Variants in TRPM7 observed in about 807,000 individuals in gnomAD.
TRPM7 encodes LTRPC ion channel family member 7.
A neutral mutation model predicts 229.7 loss-of-function variants in TRPM7; 134 were observed. The ratio of observed to expected loss-of-function variants is 0.58; its 90% CI spans 0.51 to 0.67. The LOEUF is 0.67. Ranked by LOEUF, TRPM7 falls within the 30% of genes least tolerant of loss-of-function variation. The pLI is 0.00. For missense variants in TRPM7, 1,901 were observed against 2,210.0 expected (o/e 0.86, Z 2.80); for synonymous variants, 699 against 715.2 (o/e 0.98, Z 0.36).
chr15:50,566,567 G>A (rs146659844), intron 38 of TRPM7, among the ~76,000 whole-genome samples: 22 of 152,236 alleles, frequency 1.4e-4, no homozygotes, highest in African/African-American at 5.1e-4. Flanking sequence ...GTGGTGGCAC[G>A]TACCTGTAGT....
intron 13 of TRPM7, among the ~76,000 whole-genome samples, chr15:50,614,602 T>G (rs1035949628): frequency 1.4e-5 from 2 of 146,152 alleles, no homozygotes; most frequent in Non-Finnish European, 3.0e-5. Context: ...GAGGCGGAAG[T>G]TGCAGTGAGC....
At chr15:50,657,664 T>A in intron 3 of TRPM7, 117 bp downstream of exon 3, 1 of 873,064 alleles carries the variant, frequency 1.1e-6, no homozygotes, top group South Asian at 1.8e-5. Flanking sequence ...CTAGGTAAAG[T>A]ACCCATCAAA....
At chr15:50,634,981 A>AAT (rs61635771) in intron 7 of TRPM7, among the ~76,000 whole-genome samples, 1 of 152,134 alleles carries the variant, frequency 6.6e-6, no homozygotes, top group Non-Finnish European at 1.5e-5. Flanking sequence ...TCATTTTTAA[A>AAT]ATATATATTT....
At chr15:50,658,270 G>A (rs2061633350) in intron 2 of TRPM7, among the ~76,000 whole-genome samples, 1 of 152,064 alleles carries the variant, frequency 6.6e-6, no homozygotes, top group Admixed American at 6.6e-5. Context: ...CTCCCAAAGT[G>A]CTAGGATTAC....
intron 5 of TRPM7, 90 bp downstream of exon 5, chr15:50,643,250 T>C (rs1287151968): frequency 2.2e-5 from 24 of 1,066,856 alleles, no homozygotes; most frequent in Admixed American, 4.0e-5. Flanking sequence ...GATTGTGCCA[T>C]TGCACTCCAG....
intron 20 of TRPM7, among the ~76,000 whole-genome samples, chr15:50,605,598 T>C (rs1242963904): frequency 6.6e-6 from 1 of 152,138 alleles, no homozygotes. Context: ...AAGAATCATC[T>C]TTTGGGAGGA....
intron 30 of TRPM7, among the ~76,000 whole-genome samples, chr15:50,579,373 C>A (rs1403911164): frequency 1.3e-5 from 2 of 152,226 alleles, no homozygotes; most frequent in Admixed American, 6.5e-5. Flanking sequence ...CTCTTTCCAG[C>A]TCCTACATTC....
intron 31 of TRPM7, among the ~76,000 whole-genome samples, 196 bp from the exon 32 acceptor site, chr15:50,576,115 GCATTTAGACA>G (rs2054118973): frequency 6.6e-6 from 1 of 152,134 alleles, no homozygotes; most frequent in African/African-American, 2.4e-5. Context: ...TGACAGCTGT[GCATTTAGACA>G]CCTACAAGTG....
intron 11 of TRPM7, among the ~76,000 whole-genome samples, chr15:50,626,482 C>A (rs1263488817): frequency 6.6e-6 from 1 of 152,036 alleles, no homozygotes; most frequent in Non-Finnish European, 1.5e-5. Flanking sequence ...TATTGAACTC[C>A]TGGCAAGCAA....
intron 19 of TRPM7, among the ~76,000 whole-genome samples, chr15:50,608,161 C>T (rs1393489610): frequency 5.3e-5 from 8 of 151,904 alleles, no homozygotes. Flanking sequence ...AAAGTTGAAC[C>T]CCAAAAAGTG....
At chr15:50,579,006 C>T (rs2054272255) in intron 30 of TRPM7, among the ~76,000 whole-genome samples, 1 of 152,140 alleles carries the variant, frequency 6.6e-6, no homozygotes, top group South Asian at 2.1e-4. Flanking sequence ...AGTACTGTAA[C>T]AATACATTGA....
chr15:50,668,296 G>T (rs78017001), intron 1 of TRPM7, among the ~76,000 whole-genome samples: 27,617 of 152,124 alleles, frequency 0.18, 3,236 homozygotes, highest in East Asian at 0.46. Context: ...CTGAATTAAT[G>T]TAAGACTCAT....
At chr15:50,631,317 G>T in intron 10 of TRPM7, 100 bp downstream of exon 10, 2 of 518,870 alleles carry the variant, frequency 3.9e-6, no homozygotes, top group Admixed American at 3.7e-5. Context: ...CATGGTAAAA[G>T]GTTTTATATT....
chr15:50,641,219 A>G (rs1017800105), intron 5 of TRPM7, among the ~76,000 whole-genome samples: 1 of 150,782 alleles, frequency 6.6e-6, no homozygotes. Flanking sequence ...CAAAATGCTT[A>G]TAACGGTCCC....
chr15:50,562,890 G>A (rs1488008937), intron 38 of TRPM7, among the ~76,000 whole-genome samples: 3 of 152,166 alleles, frequency 2.0e-5, no homozygotes, highest in Non-Finnish European at 4.4e-5. Context: ...GCCAGAGGAA[G>A]AGATTTGAGT....
intron 1 of TRPM7, among the ~76,000 whole-genome samples, chr15:50,666,576 G>GTTT (rs2061887367): frequency 6.6e-6 from 1 of 152,116 alleles, no homozygotes; most frequent in African/African-American, 2.4e-5. Flanking sequence ...GGCTGAGGCG[G>GTTT]GCAGATCACC....
intron 13 of TRPM7, among the ~76,000 whole-genome samples, chr15:50,614,491 C>G (rs1364069655): frequency 6.6e-6 from 1 of 151,974 alleles, no homozygotes; most frequent in Non-Finnish European, 1.5e-5. Context: ...GATGAAACCC[C>G]TTCTCTACTA....
intron 1 of TRPM7, among the ~76,000 whole-genome samples, chr15:50,672,432 TATC>T (rs1299901880): frequency 6.6e-6 from 1 of 151,842 alleles, no homozygotes; most frequent in Non-Finnish European, 1.5e-5. Context: ...AAGGCACTGT[TATC>T]ATAGAAAATG....
rs1483353424 is a variant in TRPM7, at chr15:50,637,561, G to A, written c.693C>T (p.Pro231=). The change falls in exon 7 of 39, where the codon CCC becomes CCT. Residue 231 remains proline, a synonymous_variant. Transcript: ENST00000646667. ...TATTCAAAACATTCAATTTGCTCAG[G>A]GGGTTCAATAAGGTTTGATAAGGAG... ...VVAPYQTLLN[P]LSKLNVLNNL... The A allele has an allele frequency of 1.9e-6, 3 of 1,613,836 alleles. No individual in the cohort carries two copies. Among genetic ancestry groups the A allele is most frequent in the African/African-American group, 2.7e-5 (2 of 74,888 alleles).
Sources: allele counts gnomAD v4.1 joint callset (sites outside exome capture counted in the v4.1 genomes callset), GRCh38; gene constraint gnomAD v4.1.1; transcripts MANE v1.5; gene names NCBI Gene and HGNC (gene_info 2026-07-23, HGNC 2026-07-21).